Variants in CATSPERD observed in about 807,000 individuals in gnomAD.
CATSPERD encodes the protein cation channel sperm-associated auxiliary subunit delta.
A neutral mutation model predicts 98.1 loss-of-function variants in CATSPERD; 86 were observed. The observed-to-expected ratio is 0.88, with a 90% CI of 0.74 to 1.05. The LOEUF (loss-of-function observed/expected upper bound fraction) is 1.05. Ranked by LOEUF, CATSPERD falls within the 50% of genes least tolerant of loss-of-function variation. The pLI is 0.00. For synonymous variants in CATSPERD, 394 were observed against 390.2 expected (o/e 1.01, Z -0.12); for missense variants, 995 against 1,005.7 (o/e 0.99, Z 0.14).
chr19:5,760,398 CAA>C (rs71172763), intron 15 of CATSPERD, among the ~76,000 whole-genome samples: 14 of 138,796 alleles, frequency 1.0e-4, no homozygotes, highest in Non-Finnish European at 1.1e-4. Flanking sequence ...AACTCGTTCT[CAA>C]AAAAAAAAAA....
At chr19:5,758,879 G>A (rs985996416) in intron 14 of CATSPERD, among the ~76,000 whole-genome samples, 2 of 147,308 alleles carry the variant, frequency 1.4e-5, no homozygotes, top group African/African-American at 2.5e-5. Context: ...AGCCAAGATC[G>A]TGCTAATGCA....
intron 8 of CATSPERD, among the ~76,000 whole-genome samples, chr19:5,744,903 G>A (rs2485267): frequency 0.43 from 65,849 of 151,576 alleles, 14,581 homozygotes; most frequent in Non-Finnish European, 0.48. Flanking sequence ...GCCCGGCATC[G>A]ATAATGTATT....
rs148307547 is a variant in CATSPERD at position 5,770,536 on chromosome 19, T to A, written c.1635-408T>A. Among the ~76,000 whole-genome samples, 1,379 of 151,820 alleles carry A rather than the reference T, an allele frequency of 9.1e-3. 11 individuals are homozygous for A. Among genetic ancestry groups the A allele is most frequent in the African/African-American group, 0.02 (813 of 41,404 alleles). On this transcript the variant is annotated intron_variant, in intron 18 of 21. Transcript: ENST00000381624. The stretch of plus-strand genomic sequence containing the variant: ...TGGCTTATACCTGTAATCCCAGCAC[T>A]TTGGGAGGCTGAGGTGAGGGAATCA...
chr19:5,772,950 C>G lies in CATSPERD; in HGVS notation c.1926C>G (p.Phe642Leu), dbSNP rs535483686. Residue 642 changes from phenylalanine to leucine, a missense_variant, in exon 20 of 22, where the codon TTC becomes TTG. Phe to Leu is a conservative substitution (Grantham distance 22). Around this residue, in one of 3 missense-constraint regions of CATSPERD, gnomAD observed 762 missense variants for 773.7 expected, o/e 0.98. Transcript: ENST00000381624. ...TGATAAAGGAATTCGGGGGGCCCTT[C>G]TTCTGGAACAGAGAGGTAACAGGAC... ...TTMIKEFGGP[F>L]FWNRENYVSC... 1.5e-5 allele frequency: 24 copies of G among 1,613,908 alleles called. 1 individual carries two copies. In the South Asian group the frequency reaches 2.4e-4, roughly 16 times the overall value.
intron 9 of CATSPERD, among the ~76,000 whole-genome samples, chr19:5,747,248 C>A (rs1450760823): frequency 6.8e-6 from 1 of 147,166 alleles, no homozygotes. Context: ...TCGTGGCTCA[C>A]TGCAGCCTCC....
chr19:5,755,824 G>A (rs2056314577), intron 13 of CATSPERD, among the ~76,000 whole-genome samples: 1 of 151,592 alleles, frequency 6.6e-6, no homozygotes, highest in East Asian at 1.9e-4. Context: ...ATAAAAATTA[G>A]CCAGGTGTAG....
chr19:5,749,803 A>ATTTTT (rs199802101), intron 11 of CATSPERD, among the ~76,000 whole-genome samples: 1 of 134,990 alleles, frequency 7.4e-6, no homozygotes, highest in Non-Finnish European at 1.6e-5. Flanking sequence ...TGCCTATCTA[A>ATTTTT]TTTTTTTTTT....
chr19:5,776,085 C>G, intron 20 of CATSPERD, 76 bp from the exon 21 acceptor site: 2 of 1,524,988 alleles, frequency 1.3e-6, no homozygotes, highest in South Asian at 1.2e-5. Flanking sequence ...GGTGCAGGGC[C>G]TCCGCAGGGA....
intron 1 of CATSPERD, among the ~76,000 whole-genome samples, chr19:5,723,195 A>AAAAAG (rs2055532724): frequency 6.6e-6 from 1 of 150,916 alleles, no homozygotes; most frequent in Admixed American, 6.6e-5. Flanking sequence ...TCAAAAAAAA[A>AAAAAG]AAAAAGAAAA....
intron 8 of CATSPERD, among the ~76,000 whole-genome samples, chr19:5,745,576 G>A (rs997803012): frequency 3.3e-5 from 5 of 152,156 alleles, no homozygotes; most frequent in Admixed American, 6.6e-5. Flanking sequence ...AGCCGAGATC[G>A]TGCCACTGCA....
intron 12 of CATSPERD, chr19:5,753,607 A>C: frequency 2.4e-6 from 1 of 408,382 alleles, no homozygotes; most frequent in Non-Finnish European, 4.8e-6. Context: ...AGTGGCTCAC[A>C]ACTGTAACCT....
At chr19:5,766,202 G>T (rs368805114) in intron 17 of CATSPERD, 47 bp downstream of exon 17, 1 of 1,563,466 alleles carries the variant, frequency 6.4e-7, no homozygotes. Context: ...TGTGATCCCA[G>T]CACTTTGGGA....
chr19:5,739,515 G>A, intron 7 of CATSPERD, 76 bp downstream of exon 7: 3 of 844,172 alleles, frequency 3.6e-6, no homozygotes, highest in South Asian at 1.5e-5. Flanking sequence ...GTCAATGGGT[G>A]CGTGAGGGTG....
intron 14 of CATSPERD, 103 bp from the exon 15 acceptor site, chr19:5,758,983 C>A: frequency 9.7e-7 from 1 of 1,036,170 alleles, no homozygotes; most frequent in Non-Finnish European, 1.5e-6. Flanking sequence ...CAGGTTCGTC[C>A]CCCCATGTCC....
chr19:5,746,953 T>C (rs887131099), intron 9 of CATSPERD, among the ~76,000 whole-genome samples: 1 of 151,752 alleles, frequency 6.6e-6, no homozygotes, highest in Non-Finnish European at 1.5e-5. Context: ...CAAACGATCC[T>C]CCCATCTCAG....
chr19:5,736,777 G>C (rs967732401), intron 5 of CATSPERD, among the ~76,000 whole-genome samples: 2 of 151,722 alleles, frequency 1.3e-5, no homozygotes, highest in African/African-American at 4.8e-5. Context: ...ACTTTTCTAG[G>C]CCAGGTGTGG....
Position 5,778,258 on chromosome 19 carries a change from C to T in CATSPERD, c.2097-118C>T, listed in dbSNP as rs149082919. The T allele has an allele frequency of 1.8e-3, 1,481 of 828,690 alleles. 3 individuals are homozygous for T. The highest frequency in any genetic ancestry group is 2.1e-3 in the Non-Finnish European group (1,084 of 521,740). The allele number at this position is 828,690 out of a possible 1,614,324, so 51.3% of individuals were successfully genotyped here. ...GGATGGAAACAGAAGTGGGTATACC[C>T]GGTCACTGCTGTGGGCCTGGTTCTC... is the stretch of plus-strand genomic sequence containing the variant. On this transcript the variant is annotated intron_variant, in intron 21 of 21. Coordinates refer to ENST00000381624, the MANE Select transcript of CATSPERD (RefSeq NM_152784.4).
chr19:5,733,794 C>A, intron 4 of CATSPERD, 62 bp from the exon 5 acceptor site: 2 of 1,152,978 alleles, frequency 1.7e-6, no homozygotes, highest in Non-Finnish European at 2.6e-6. Flanking sequence ...TAGAAGTCTG[C>A]GTTTCTGAAT....
At chr19:5,747,491 C>G (rs1219451027) in intron 9 of CATSPERD, among the ~76,000 whole-genome samples, 1 of 151,852 alleles carries the variant, frequency 6.6e-6, no homozygotes, top group East Asian at 1.9e-4. Flanking sequence ...ATAGTGGTCA[C>G]CTGTATTAGA....
Sources: gnomAD v4.1 joint callset for allele counts (sites outside exome capture counted in the v4.1 genomes callset) on GRCh38, gnomAD v4.1.1 for gene constraint, gnomAD v4.1.1 regional missense constraint, MANE v1.5 for transcripts, NCBI Gene and HGNC (gene_info 2026-07-23, HGNC 2026-07-21) for gene names.